ASIC2: variants seen among roughly 807,000 people sequenced by gnomAD.
ASIC2 encodes acid-sensing ion channel 2.
A neutral mutation model predicts 57.3 loss-of-function variants in ASIC2; 25 were observed. The ratio of observed to expected loss-of-function variants is 0.44; its 90% confidence interval spans 0.32 to 0.61. The LOEUF (loss-of-function observed/expected upper bound fraction) is 0.61. Among genes scored for constraint, ASIC2 ranks in the 20% least tolerant of loss-of-function variants. The probability of loss-of-function intolerance (pLI) is 0.06; values close to 1 mark genes in which losing one functional copy is unlikely to be tolerated. For synonymous variants in ASIC2, 319 were observed against 307.5 expected (o/e 1.04, Z -0.39); for missense variants, 641 against 738.1 (o/e 0.87, Z 1.52).
intron 1 of ASIC2, among the ~76,000 whole-genome samples, chr17:33,396,733 C>T (rs1261509400): frequency 6.6e-6 from 1 of 152,136 alleles, no homozygotes; most frequent in Non-Finnish European, 1.5e-5. Context: ...GTTAGATCAC[C>T]TGTCTAACAG....
intron 3 of ASIC2, among the ~76,000 whole-genome samples, chr17:33,087,484 G>C (rs923002411): frequency 1.3e-5 from 2 of 152,006 alleles, no homozygotes; most frequent in African/African-American, 4.8e-5. Flanking sequence ...CCCAGGCATT[G>C]GGTACAGGGC....
At chr17:33,940,097 C>T (rs1278745750) in intron 1 of ASIC2, among the ~76,000 whole-genome samples, 2 of 152,210 alleles carry the variant, frequency 1.3e-5, no homozygotes, top group Non-Finnish European at 2.9e-5. Flanking sequence ...ATACGCTACT[C>T]TAGGTAAGCC....
intron 1 of ASIC2, among the ~76,000 whole-genome samples, chr17:33,261,636 T>C (rs1467684189): frequency 6.6e-6 from 1 of 152,214 alleles, no homozygotes; most frequent in East Asian, 1.9e-4. Flanking sequence ...GAGCTGTATA[T>C]ATGCCAGCTT....
intron 1 of ASIC2, among the ~76,000 whole-genome samples, chr17:33,185,110 G>A (rs1479489633): frequency 6.6e-6 from 1 of 152,186 alleles, no homozygotes; most frequent in African/African-American, 2.4e-5. Context: ...AAGCGTCAAT[G>A]GAACTCAGAC....
chr17:33,757,900 G>A (rs1405190666), intron 1 of ASIC2, among the ~76,000 whole-genome samples: 2 of 152,222 alleles, frequency 1.3e-5, no homozygotes, highest in Non-Finnish European at 2.9e-5. Context: ...GAGGCCGACA[G>A]TGCTCTGGAA....
At chr17:33,769,580 A>G (rs1466729088) in intron 1 of ASIC2, among the ~76,000 whole-genome samples, 1 of 152,234 alleles carries the variant, frequency 6.6e-6, no homozygotes, top group African/African-American at 2.4e-5. Context: ...TTTATTTATG[A>G]ACACGTATCC....
At chr17:33,736,751 C>T (rs561807592) in intron 1 of ASIC2, among the ~76,000 whole-genome samples, 34 of 152,066 alleles carry the variant, frequency 2.2e-4, no homozygotes, top group Non-Finnish European at 4.7e-4. Context: ...TCACACTTTC[C>T]CTATACTTAC....
intron 1 of ASIC2, among the ~76,000 whole-genome samples, chr17:33,923,228 G>C (rs980602780): frequency 9.2e-5 from 14 of 152,152 alleles, no homozygotes; most frequent in Non-Finnish European, 1.5e-4. Context: ...AGAAAATGAG[G>C]CCATTCCTCT....
At chr17:33,974,419 C>T (rs1905311281) in intron 1 of ASIC2, among the ~76,000 whole-genome samples, 1 of 152,040 alleles carries the variant, frequency 6.6e-6, no homozygotes, top group Non-Finnish European at 1.5e-5. Flanking sequence ...TGCCTGGCAC[C>T]CCAGCCCTAT....
intron 1 of ASIC2, among the ~76,000 whole-genome samples, chr17:33,193,414 C>T (rs1407689866): frequency 2.0e-5 from 3 of 152,158 alleles, no homozygotes; most frequent in Non-Finnish European, 4.4e-5. Context: ...CTATATATAG[C>T]GCTCTGCTCA....
chr17:33,951,933 A>G (rs1448549745), intron 1 of ASIC2, among the ~76,000 whole-genome samples: 2 of 152,060 alleles, frequency 1.3e-5, no homozygotes, highest in Non-Finnish European at 2.9e-5. Flanking sequence ...TTTCTTTTCA[A>G]TATCACCCTT....
At chr17:33,408,531 A>G (rs1910545692) in intron 1 of ASIC2, among the ~76,000 whole-genome samples, 1 of 152,254 alleles carries the variant, frequency 6.6e-6, no homozygotes, top group East Asian at 1.9e-4. Flanking sequence ...ATGTAAAATG[A>G]TGCTATAGTA....
At chr17:33,251,765 T>C (rs1908892773) in intron 1 of ASIC2, among the ~76,000 whole-genome samples, 2 of 152,198 alleles carry the variant, frequency 1.3e-5, no homozygotes. Flanking sequence ...GTCATACAGC[T>C]AATAAGATGA....
intron 1 of ASIC2, among the ~76,000 whole-genome samples, chr17:34,013,087 G>C (rs1343269538): frequency 2.0e-5 from 3 of 152,188 alleles, no homozygotes; most frequent in African/African-American, 7.2e-5. Flanking sequence ...CTGATGGAAA[G>C]GGAGAAAATT....
intron 1 of ASIC2, among the ~76,000 whole-genome samples, chr17:33,219,403 C>A (rs1012364289): frequency 1.3e-5 from 2 of 152,180 alleles, no homozygotes; most frequent in Non-Finnish European, 1.5e-5. Flanking sequence ...TAAATAACAG[C>A]CCCAATACAT....
chr17:33,084,332 A>G (rs1429381435), intron 3 of ASIC2, among the ~76,000 whole-genome samples: 1 of 152,220 alleles, frequency 6.6e-6, no homozygotes, highest in Non-Finnish European at 1.5e-5. Context: ...TGTTCTCCAC[A>G]GTACTGAGTA....
intron 1 of ASIC2, among the ~76,000 whole-genome samples, chr17:33,417,986 A>T (rs966726952): frequency 2.7e-5 from 4 of 149,438 alleles, no homozygotes; most frequent in African/African-American, 5.0e-5. Flanking sequence ...CTATCTTGGA[A>T]TCGGGAGCCA....
At chr17:33,988,947 G>T (rs1038290640) in intron 1 of ASIC2, among the ~76,000 whole-genome samples, 4 of 151,994 alleles carry the variant, frequency 2.6e-5, no homozygotes, top group Non-Finnish European at 5.9e-5. Context: ...GCCCCAAATT[G>T]TTCCCTTGCC....
chr17:33,699,413 C>T (rs888321132), intron 1 of ASIC2, among the ~76,000 whole-genome samples: 1 of 152,116 alleles, frequency 6.6e-6, no homozygotes, highest in Non-Finnish European at 1.5e-5. Flanking sequence ...GCACCAAAGT[C>T]GGAGGAACAA....
Sources: gnomAD v4.1 joint callset for allele counts (sites outside exome capture counted in the v4.1 genomes callset) on GRCh38, gnomAD v4.1.1 for gene constraint, MANE v1.5 for transcripts, NCBI Gene and HGNC (gene_info 2026-07-23, HGNC 2026-07-21) for gene names.